Variants in CSMD1 observed in about 807,000 individuals in gnomAD.
CSMD1 encodes the protein CUB and Sushi multiple domains 1, also known as CUB and sushi domain-containing protein 1.
In CSMD1, 213 loss-of-function variants were observed where a neutral mutation model predicts 417.5. The observed-to-expected ratio is 0.51, with a 90% CI of 0.46 to 0.57. The LOEUF (loss-of-function observed/expected upper bound fraction) is 0.57, where lower values mean the gene tolerates loss of function less well. CSMD1 is among the 20% of genes least tolerant of loss of function. The probability of loss-of-function intolerance (pLI) is 0.00; values close to 1 mark genes in which losing one functional copy is unlikely to be tolerated. For missense variants in CSMD1, 6,923 were observed against 4,529.7 expected (o/e 1.53, Z -15.17); for synonymous variants, 2,862 against 1,736.8 (o/e 1.65, Z -16.11).
intron 7 of CSMD1, among the ~76,000 whole-genome samples, chr8:3,619,135 G>C (rs1429324817): frequency 1.4e-5 from 2 of 147,058 alleles, no homozygotes; most frequent in Admixed American, 1.3e-4. Flanking sequence ...GTCCCAATGA[G>C]AAGATGAGGT....
intron 3 of CSMD1, among the ~76,000 whole-genome samples, chr8:4,304,040 G>A (rs1000542935): frequency 6.6e-6 from 1 of 152,148 alleles, no homozygotes; most frequent in Non-Finnish European, 1.5e-5. Context: ...AAGCAGTGAT[G>A]AGAGAACCAG....
At chr8:3,864,963 C>A (rs561346794) in intron 5 of CSMD1, among the ~76,000 whole-genome samples, 1 of 152,294 alleles carries the variant, frequency 6.6e-6, no homozygotes, top group Admixed American at 6.5e-5. Context: ...GCTTTTCCTT[C>A]CAGTTTTGGC....
chr8:3,670,473 CAT>C (rs754468718), intron 7 of CSMD1, among the ~76,000 whole-genome samples: 5 of 146,872 alleles, frequency 3.4e-5, no homozygotes, highest in East Asian at 3.9e-4. Context: ...ATATGTATCC[CAT>C]ATATATATAT....
intron 5 of CSMD1, among the ~76,000 whole-genome samples, chr8:3,946,890 G>A (rs541809400): frequency 5.3e-5 from 8 of 152,154 alleles, no homozygotes; most frequent in African/African-American, 1.7e-4. Flanking sequence ...TTTATATTGT[G>A]ATCTCAAACC....
At chr8:3,431,346 G>T (rs1045285126) in intron 12 of CSMD1, among the ~76,000 whole-genome samples, 1 of 152,144 alleles carries the variant, frequency 6.6e-6, no homozygotes, top group Non-Finnish European at 1.5e-5. Context: ...CAGTAACTTG[G>T]AGAGTGAAAA....
At chr8:4,097,386 A>G (rs557885704) in intron 3 of CSMD1, among the ~76,000 whole-genome samples, 9 of 152,248 alleles carry the variant, frequency 5.9e-5, no homozygotes, top group East Asian at 1.9e-4. Flanking sequence ...CACGGGTGTT[A>G]TAAGAATTAA....
chr8:4,212,196 T>C (rs1176908261), intron 3 of CSMD1, among the ~76,000 whole-genome samples: 1 of 147,274 alleles, frequency 6.8e-6, no homozygotes, highest in African/African-American at 2.6e-5. Flanking sequence ...ATATATATAT[T>C]ATTTTCTCTC....
intron 3 of CSMD1, among the ~76,000 whole-genome samples, chr8:4,383,952 G>A (rs1803273529): frequency 6.6e-6 from 1 of 152,124 alleles, no homozygotes; most frequent in African/African-American, 2.4e-5. Flanking sequence ...TCTCTTTTAT[G>A]GAAACAGCTC....
intron 2 of CSMD1, among the ~76,000 whole-genome samples, chr8:4,512,643 G>T (rs547196276): frequency 2.6e-5 from 4 of 151,772 alleles, no homozygotes; most frequent in Non-Finnish European, 4.4e-5. Flanking sequence ...TTATATACCG[G>T]CAATGAAATG....
chr8:4,663,301 C>T (rs1585412949), intron 1 of CSMD1, among the ~76,000 whole-genome samples: 1 of 152,292 alleles, frequency 6.6e-6, no homozygotes, highest in South Asian at 2.1e-4. Flanking sequence ...AAACATTGGA[C>T]AAAGCCCATC....
rs370109628 is a variant in CSMD1, at chr8:4,681,717, C to G, written c.86-44159G>C. Among the ~76,000 whole-genome samples, 76 of 152,002 alleles carry G rather than the reference C, an allele frequency of 5.0e-4. 1 individual carries two copies. The highest frequency in any genetic ancestry group is 2.1e-4 in the Non-Finnish European group (14 of 67,952). On this transcript the variant is annotated intron_variant, in intron 1 of 69. Transcript: ENST00000635120. The stretch of plus-strand genomic sequence containing the variant: ...TAACCCGACTTTAAGGCAGAATTAA[C>G]AAAAAAGAAGCCTAGACCTATTGTG...
At chr8:3,816,176 T>C (rs1169288715) in intron 5 of CSMD1, among the ~76,000 whole-genome samples, 1 of 152,186 alleles carries the variant, frequency 6.6e-6, no homozygotes, top group Non-Finnish European at 1.5e-5. Flanking sequence ...ACCTTCCCTC[T>C]GTGCTCTCTG....
intron 3 of CSMD1, among the ~76,000 whole-genome samples, chr8:4,308,512 T>A (rs1798377698): frequency 6.6e-6 from 1 of 152,192 alleles, no homozygotes; most frequent in Admixed American, 6.5e-5. Context: ...TTTCAGTACT[T>A]CAGAGACCCT....
intron 6 of CSMD1, among the ~76,000 whole-genome samples, chr8:3,723,845 C>T (rs1415774816): frequency 1.3e-5 from 2 of 152,138 alleles, no homozygotes; most frequent in East Asian, 1.9e-4. Flanking sequence ...GTAAAAATTT[C>T]ATTCAAAATG....
At chr8:3,796,761 A>G (rs1450133394) in intron 5 of CSMD1, among the ~76,000 whole-genome samples, 1 of 151,292 alleles carries the variant, frequency 6.6e-6, no homozygotes, top group Admixed American at 6.6e-5. Flanking sequence ...ATTATACAAA[A>G]TATTCTGATC....
chr8:4,322,803 T>G (rs1308270051), intron 3 of CSMD1, among the ~76,000 whole-genome samples: 1 of 152,154 alleles, frequency 6.6e-6, no homozygotes, highest in Non-Finnish European at 1.5e-5. Context: ...AAGACCAGCC[T>G]GGCCAACATG....
At chr8:3,546,500 C>G (rs896124821) in intron 10 of CSMD1, among the ~76,000 whole-genome samples, 6 of 151,226 alleles carry the variant, frequency 4.0e-5, no homozygotes, top group Admixed American at 3.9e-4. Context: ...CCTGCCACCG[C>G]ACTCCAGCCT....
chr8:3,120,066 A>C (rs1817108386), intron 41 of CSMD1, among the ~76,000 whole-genome samples: 1 of 152,182 alleles, frequency 6.6e-6, no homozygotes, highest in Non-Finnish European at 1.5e-5. Context: ...GGAAACTTGT[A>C]AACAAATGCT....
In CSMD1 at chr8:3,327,785, T is replaced by C. The variant is rs755794029; in HGVS notation, c.3631+15509A>G. ...TAAATCAGTTTATCTTTTAAACAAA[T>C]TGTGAAATAAGTAAATGTTGTGTTT... On this transcript the variant is annotated intron_variant, in intron 23 of 69. Coordinates refer to ENST00000635120, the MANE Select transcript of CSMD1 (RefSeq NM_033225.6). 2.0e-5 allele frequency among the ~76,000 whole-genome samples: 3 copies of C among 152,216 alleles called. No individual in the cohort carries two copies. The East Asian group carries it at 5.8e-4, about 29-fold the overall frequency.
Sources: gnomAD v4.1 joint callset for allele counts (sites outside exome capture counted in the v4.1 genomes callset) on GRCh38, gnomAD v4.1.1 for gene constraint, MANE v1.5 for transcripts, NCBI Gene and HGNC (gene_info 2026-07-23, HGNC 2026-07-21) for gene names.